The following MOB1B variants were observed in gnomAD, a reference collection of about 807,000 sequenced individuals.
The protein encoded by MOB1B is MOB1 Mps One Binder homolog B.
MOB1B carries 19 observed loss-of-function variants against 24.4 expected under a neutral mutation model. The observed-to-expected ratio is 0.78, with a 90% CI of 0.54 to 1.14. MOB1B has a LOEUF of 1.14. MOB1B is among the 50% of genes most tolerant of loss of function. The pLI is 0.00. For synonymous variants in MOB1B, 76 were observed against 82.1 expected (o/e 0.93, Z 0.40); for missense variants, 243 against 259.6 (o/e 0.94, Z 0.44).
intron 1 of MOB1B, among the ~76,000 whole-genome samples, chr4:70,923,091 C>G (rs1179148797): frequency 6.6e-6 from 1 of 152,110 alleles, no homozygotes; most frequent in Non-Finnish European, 1.5e-5. Context: ...TTAATCAGGC[C>G]CCCTGCTTAG....
intron 1 of MOB1B, among the ~76,000 whole-genome samples, chr4:70,910,102 G>A (rs940194248): frequency 5.3e-5 from 8 of 151,418 alleles, no homozygotes; most frequent in African/African-American, 9.7e-5. Flanking sequence ...GTGTAGTGGC[G>A]CTATCTTGGC....
chr4:70,956,128 A>G (rs1257017061), intron 1 of MOB1B, among the ~76,000 whole-genome samples: 1 of 152,132 alleles, frequency 6.6e-6, no homozygotes, highest in Non-Finnish European at 1.5e-5. Flanking sequence ...TCTGCACTCT[A>G]GTGTGGGCCT....
At chr4:70,952,671 CA>C (rs1241028649) in intron 1 of MOB1B, among the ~76,000 whole-genome samples, 40 of 137,864 alleles carry the variant, frequency 2.9e-4, no homozygotes, top group East Asian at 2.2e-3. Context: ...AAAACAAAAA[CA>C]AAAAAAAAAC....
Position 70,982,378 on chromosome 4 carries a change from T to C in MOB1B, c.*321T>C. The C allele has an allele frequency of 5.0e-6, 1 of 201,888 alleles. No homozygotes were observed. Among genetic ancestry groups the C allele is most frequent in the Non-Finnish European group, 1.0e-5 (1 of 99,456 alleles). The allele number at this position is 201,888 out of a possible 1,614,324, so 12.5% of individuals were successfully genotyped here. ...TTGATTGAACTGCCGATGGATTGGT[T>C]TCTGTGTGGTATAAATTGTGGCCCA... is the stretch of plus-strand genomic sequence containing the variant. On this transcript the variant is annotated 3_prime_UTR_variant, in exon 6 of 6. Transcript: ENST00000309395.
intron 1 of MOB1B, among the ~76,000 whole-genome samples, chr4:70,907,708 G>A (rs532285883): frequency 5.4e-4 from 82 of 152,276 alleles, no homozygotes; most frequent in African/African-American, 1.9e-3. Flanking sequence ...AGCTGCTTAG[G>A]AGGCTGAAGT....
At chr4:70,932,425 A>G (rs894766630) in intron 1 of MOB1B, among the ~76,000 whole-genome samples, 22 of 152,174 alleles carry the variant, frequency 1.4e-4, no homozygotes, top group African/African-American at 5.1e-4. Context: ...AACCACATGA[A>G]GTAGGTAATG....
chr4:70,928,512 G>C (rs1736746539), intron 1 of MOB1B, among the ~76,000 whole-genome samples: 1 of 151,962 alleles, frequency 6.6e-6, no homozygotes, highest in Non-Finnish European at 1.5e-5. Context: ...GTTCAGGCTG[G>C]TCTCGAACTC....
intron 2 of MOB1B, among the ~76,000 whole-genome samples, chr4:70,963,230 C>A (rs955937706): frequency 6.6e-6 from 1 of 151,902 alleles, no homozygotes; most frequent in Non-Finnish European, 1.5e-5. Context: ...CGGAGATGTA[C>A]GTACATGTAG....
chr4:70,905,149 A>C (rs1011171771), intron 1 of MOB1B, among the ~76,000 whole-genome samples: 1 of 152,084 alleles, frequency 6.6e-6, no homozygotes, highest in South Asian at 2.1e-4. Context: ...CAAAGTGAAC[A>C]CCACATGGAA....
At chr4:70,915,282 G>A (rs1041905569) in intron 1 of MOB1B, among the ~76,000 whole-genome samples, 1 of 152,164 alleles carries the variant, frequency 6.6e-6, no homozygotes, top group African/African-American at 2.4e-5. Context: ...GGGTGTCCAG[G>A]TTCTTGACAT....
intron 1 of MOB1B, among the ~76,000 whole-genome samples, chr4:70,922,281 G>A (rs1183862655): frequency 6.6e-6 from 1 of 152,168 alleles, no homozygotes; most frequent in Non-Finnish European, 1.5e-5. Context: ...GATATTAAAT[G>A]AGCATCGAAA....
chr4:70,935,883 G>A (rs1404210043), intron 1 of MOB1B, among the ~76,000 whole-genome samples: 7 of 120,054 alleles, frequency 5.8e-5, no homozygotes, highest in African/African-American at 1.6e-4. Context: ...ACGGAGTCTC[G>A]CTCTGTTGCC....
rs1739364449 is a variant in MOB1B, at chr4:70,985,914, G to A, written c.*3857G>A. 1 of 152,188 alleles carries A rather than the reference G, an allele frequency of 6.6e-6. No homozygotes were observed. Among genetic ancestry groups the A allele is most frequent in the Non-Finnish European group, 1.5e-5 (1 of 68,026 alleles). 9.4% of individuals were successfully genotyped at this position (152,188 alleles called of 1,614,324 possible). Reference sequence around the variant, plus strand: ...AGGGAAGTTCAAAGGAATGTGCCATGATTTCCGAATTTGCACAAGAGAATG... The same window carrying A: ...AGGGAAGTTCAAAGGAATGTGCCATAATTTCCGAATTTGCACAAGAGAATG... On this transcript the variant is annotated 3_prime_UTR_variant, in exon 6 of 6. Transcript: ENST00000309395.
At chr4:70,958,545 A>G (rs1369244796) in intron 1 of MOB1B, 2 of 358,064 alleles carry the variant, frequency 5.6e-6, no homozygotes, top group Non-Finnish European at 5.4e-6. Context: ...TTCTTTTAAG[A>G]AGGAAACAAA....
chr4:70,908,234 TAGTC>T (rs1047150327), intron 1 of MOB1B, among the ~76,000 whole-genome samples: 3 of 151,056 alleles, frequency 2.0e-5, no homozygotes, highest in African/African-American at 7.3e-5. Context: ...TTCACCGTGT[TAGTC>T]AGGATGGTTT....
chr4:70,949,438 G>T (rs1049071456), intron 1 of MOB1B, among the ~76,000 whole-genome samples: 2 of 152,192 alleles, frequency 1.3e-5, no homozygotes, highest in Non-Finnish European at 2.9e-5. Context: ...TATTTTGACA[G>T]CTTCTAACAT....
chr4:70,975,986 A>T (rs1188495681), intron 4 of MOB1B: 1 of 288,760 alleles, frequency 3.5e-6, no homozygotes, highest in African/African-American at 2.3e-5. Context: ...TGCAGCCTCC[A>T]CCTCCCGGGT....
At chr4:70,928,705 C>T (rs897206723) in intron 1 of MOB1B, among the ~76,000 whole-genome samples, 3 of 152,102 alleles carry the variant, frequency 2.0e-5, no homozygotes, top group African/African-American at 7.2e-5. Context: ...AAGGTGGCTA[C>T]TGTGCACAGA....
chr4:70,936,194 A>C (rs1229551951), intron 1 of MOB1B, among the ~76,000 whole-genome samples: 3 of 151,452 alleles, frequency 2.0e-5, no homozygotes, highest in Admixed American at 2.0e-4. Flanking sequence ...GAATTTTGCC[A>C]TGTTGGCCAG....
Sources: allele counts gnomAD v4.1 joint callset (sites outside exome capture counted in the v4.1 genomes callset), GRCh38; gene constraint gnomAD v4.1.1; transcripts MANE v1.5; gene names NCBI Gene and HGNC (gene_info 2026-07-23, HGNC 2026-07-21).